The following DCAF1 variants were observed in gnomAD, a reference collection of about 807,000 sequenced individuals.
DCAF1 encodes DDB1 and CUL4 associated factor 1, also known as DDB1- and CUL4-associated factor 1.
DCAF1 carries 15 observed loss-of-function variants against 128.0 expected under a neutral mutation model. The ratio of observed to expected loss-of-function variants is 0.12; its 90% CI spans 0.08 to 0.18. The LOEUF (loss-of-function observed/expected upper bound fraction) is 0.18. Among genes scored for constraint, DCAF1 ranks in the 10% least tolerant of loss-of-function variants. DCAF1 has a pLI of 1.00. For synonymous variants in DCAF1, 610 were observed against 603.0 expected (o/e 1.01, Z -0.17); for missense variants, 988 against 1,649.5 (o/e 0.60, Z 6.95).
intron 3 of DCAF1, 30 bp from the exon 4 acceptor site, chr3:51,471,035 TG>T: frequency 6.6e-7 from 1 of 1,508,634 alleles, no homozygotes; most frequent in South Asian, 1.2e-5. Context: ...GGGTCAACTC[TG>T]GACAAGCATA....
At chr3:51,413,682 T>G (rs1698630419) in intron 20 of DCAF1, among the ~76,000 whole-genome samples, 1 of 152,222 alleles carries the variant, frequency 6.6e-6, no homozygotes, top group Admixed American at 6.5e-5. Flanking sequence ...GCTCTTAAGT[T>G]CATAATGATA....
intron 9 of DCAF1, chr3:51,436,542 T>C: frequency 2.5e-6 from 1 of 403,308 alleles, no homozygotes; most frequent in Non-Finnish European, 5.1e-6. Flanking sequence ...GGATAGACTG[T>C]ATACCAATAA....
Position 51,466,669 on chromosome 3 carries a change from C to T in DCAF1, c.261+134G>A, listed in dbSNP as rs782093070. 3.1e-5 allele frequency: 23 copies of T among 744,378 alleles called. No homozygotes were observed. In the South Asian group the frequency reaches 4.0e-4, roughly 13 times the overall value. 46.1% of individuals were successfully genotyped at this position (744,378 alleles called of 1,614,324 possible). A position where few individuals can be genotyped will look rare whatever the true frequency, so the allele number is the denominator to read the frequency against. ...CAAAGAGAAAGCATTATGGCCACAACCAGGACTTTGGCAAAAAACTCTACT... is the reference window on the plus strand; with the variant it reads ...CAAAGAGAAAGCATTATGGCCACAATCAGGACTTTGGCAAAAAACTCTACT... On this transcript the variant is annotated intron_variant, in intron 5 of 24. Transcript: ENST00000684031.
intron 5 of DCAF1, among the ~76,000 whole-genome samples, chr3:51,466,424 C>T (rs997841050): frequency 6.6e-6 from 1 of 152,134 alleles, no homozygotes; most frequent in Non-Finnish European, 1.5e-5. Context: ...TTCTTATTTA[C>T]TCCTCACATC....
At chr3:51,486,348 T>C (rs1291926993) in intron 2 of DCAF1, among the ~76,000 whole-genome samples, 2 of 151,768 alleles carry the variant, frequency 1.3e-5, no homozygotes, top group African/African-American at 4.8e-5. Flanking sequence ...TGTGTTGCCA[T>C]GCCCAGCTTA....
intron 24 of DCAF1, among the ~76,000 whole-genome samples, chr3:51,401,024 C>G (rs2089649563): frequency 6.6e-6 from 1 of 150,704 alleles, no homozygotes; most frequent in South Asian, 2.1e-4. Flanking sequence ...CCCAGCTACT[C>G]AGGAGGCTGA....
chr3:51,412,561 A>G, intron 22 of DCAF1, 81 bp from the exon 23 acceptor site: 4 of 1,592,910 alleles, frequency 2.5e-6, no homozygotes, highest in South Asian at 1.1e-5. Flanking sequence ...ACTGGTGCCC[A>G]TGACCTTGAC....
intron 23 of DCAF1, 48 bp downstream of exon 23, chr3:51,412,331 C>G (rs2107160472): frequency 1.2e-6 from 2 of 1,611,468 alleles, no homozygotes; most frequent in Non-Finnish European, 1.7e-6. Flanking sequence ...CAGAGCATAA[C>G]CTCTATTAAG....
At chr3:51,495,928 A>G (rs1708185929) in intron 2 of DCAF1, among the ~76,000 whole-genome samples, 1 of 151,622 alleles carries the variant, frequency 6.6e-6, no homozygotes, top group African/African-American at 2.4e-5. Flanking sequence ...TAGGAGGTGG[A>G]GGCTGCAGTG....
intron 18 of DCAF1, among the ~76,000 whole-genome samples, chr3:51,415,386 T>A (rs1031310029): frequency 1.3e-5 from 2 of 152,096 alleles, no homozygotes; most frequent in Non-Finnish European, 2.9e-5. Flanking sequence ...TCCCAGCTAC[T>A]CAGGAGGCTG....
chr3:51,424,462 G>A (rs1219901430), intron 13 of DCAF1, among the ~76,000 whole-genome samples: 2 of 151,940 alleles, frequency 1.3e-5, no homozygotes, highest in Non-Finnish European at 2.9e-5. Flanking sequence ...TGCTGGTGGG[G>A]GATGACAATG....
chr3:51,438,114 T>A, intron 9 of DCAF1: 1 of 434,662 alleles, frequency 2.3e-6, no homozygotes, highest in African/African-American at 2.1e-5. Context: ...CCCTGAAAGT[T>A]TGGTGTGGTT....
Position 51,441,566 on chromosome 3 carries a change from T to C in DCAF1, c.845A>G (p.Lys282Arg). Reference sequence around the variant, plus strand: ...AGAAGATGAGAAACCCAACTTTTGCTTGGCTTTCCTAAAGTTCTCTCTGTC... The same window carrying C: ...AGAAGATGAGAAACCCAACTTTTGCCTGGCTTTCCTAAAGTTCTCTCTGTC... Reference protein sequence around the residue: ...QGDRENFRKAKQKLGFSSSDP... With the variant: ...QGDRENFRKARQKLGFSSSDP... Residue 282 changes from lysine to arginine, a missense_variant, in exon 8 of 25, where the codon AAG (lysine) becomes AGG (arginine). By Grantham distance (26) the Lys-to-Arg change is conservative (BLOSUM62 2). Transcript: ENST00000684031. The C allele has an allele frequency of 1.2e-6, 2 of 1,614,052 alleles. No individual in the cohort carries two copies. Among genetic ancestry groups the C allele is most frequent in the Non-Finnish European group, 1.7e-6 (2 of 1,179,900 alleles).
At chr3:51,478,787 CCTAA>C (rs1483540195) in intron 3 of DCAF1, among the ~76,000 whole-genome samples, 2 of 152,072 alleles carry the variant, frequency 1.3e-5, no homozygotes, top group African/African-American at 4.8e-5. Flanking sequence ...CTACATCTGG[CCTAA>C]CTTTCTTAAT....
At chr3:51,426,909 T>A (rs1553634177) in intron 13 of DCAF1, among the ~76,000 whole-genome samples, 1 of 152,248 alleles carries the variant, frequency 6.6e-6, no homozygotes, top group African/African-American at 2.4e-5. Context: ...TTTCTGGGCC[T>A]TGTCCTGCTC....
At chr3:51,437,420 G>T (rs1553637212) in intron 9 of DCAF1, 1 of 511,330 alleles carries the variant, frequency 2.0e-6, no homozygotes, top group East Asian at 5.5e-5. Context: ...AAGCTGATCT[G>T]AATGGAGCAA....
intron 3 of DCAF1, among the ~76,000 whole-genome samples, chr3:51,474,784 C>CTTTTT (rs782363207): frequency 3.3e-5 from 4 of 121,810 alleles, no homozygotes; most frequent in East Asian, 5.1e-4. Context: ...GCATGCCTGG[C>CTTTTT]TTTTTTTTTT....
chr3:51,483,887 G>T, intron 2 of DCAF1, 51 bp from the exon 3 acceptor site: 1 of 1,274,650 alleles, frequency 7.8e-7, no homozygotes, highest in Non-Finnish European at 1.1e-6. Flanking sequence ...ATGAACACAA[G>T]CAAATAAAAG....
At chr3:51,485,860 T>C (rs1398871147) in intron 2 of DCAF1, among the ~76,000 whole-genome samples, 3 of 151,212 alleles carry the variant, frequency 2.0e-5, no homozygotes, top group African/African-American at 4.9e-5. Context: ...ACCCCAAAAA[T>C]TGAACAAAAT....
Sources: gnomAD v4.1 joint callset for allele counts (sites outside exome capture counted in the v4.1 genomes callset) on GRCh38, gnomAD v4.1.1 for gene constraint, MANE v1.5 for transcripts, NCBI Gene and HGNC (gene_info 2026-07-23, HGNC 2026-07-21) for gene names.